AIRIM: variants seen among roughly 807,000 people sequenced by gnomAD.
The protein encoded by AIRIM is AFG2 interacting ribosome maturation factor.
At chr1:37,683,347 T>A in the AIRIM span, 1 of 1,614,150 alleles carries the variant, frequency 6.2e-7, no homozygotes, top group East Asian at 2.2e-5. Context: ...GTTCGTCTTT[T>A]GAAATTCGGT....
At chr1:37,683,128 C>T in the AIRIM span, 1 of 1,613,028 alleles carries the variant, frequency 6.2e-7, no homozygotes, top group African/African-American at 1.3e-5. Flanking sequence ...CTTCCTTACT[C>T]TTCCAGGAAG....
chr1:37,689,440 T>C, the AIRIM span: 1 of 762,832 alleles, frequency 1.3e-6, no homozygotes, highest in Non-Finnish European at 2.0e-6. Flanking sequence ...AGAAAATGGC[T>C]TTCTGACCGA....
chr1:37,688,838 C>T, the AIRIM span, among the ~76,000 whole-genome samples: 9 of 152,058 alleles, frequency 5.9e-5, no homozygotes, highest in East Asian at 5.8e-4. Context: ...TGGAAGTGCA[C>T]GCTTGTTGTC....
chr1:37,690,025 T>TTG, the AIRIM span: 3 of 1,417,128 alleles, frequency 2.1e-6, no homozygotes, highest in African/African-American at 1.4e-5. Flanking sequence ...GTTTTTTTTT[T>TTG]GTTTTTTTTT....
At chr1:37,690,024 T>TG in the AIRIM span, 1 of 1,422,868 alleles carries the variant, frequency 7.0e-7, no homozygotes, top group Non-Finnish European at 9.1e-7. Flanking sequence ...GGTTTTTTTT[T>TG]TGTTTTTTTT....
chr1:37,684,524 C>G, the AIRIM span, among the ~76,000 whole-genome samples: 1 of 152,148 alleles, frequency 6.6e-6, no homozygotes, highest in Non-Finnish European at 1.5e-5. Flanking sequence ...GAGGCTGAGG[C>G]AGGAGAATTG....
chr1:37,683,502 G>T, the AIRIM span: 1 of 1,562,592 alleles, frequency 6.4e-7, no homozygotes, highest in South Asian at 1.2e-5. Flanking sequence ...AAAACACCCT[G>T]GTGAGAACCA....
the AIRIM span, chr1:37,686,604 C>T: frequency 1.4e-6 from 1 of 718,258 alleles, no homozygotes; most frequent in Non-Finnish European, 2.3e-6. Flanking sequence ...CATGCCTGGC[C>T]CCTACCCACT....
the AIRIM span, chr1:37,686,250 C>T: frequency 1.3e-6 from 2 of 1,595,574 alleles, no homozygotes; most frequent in Admixed American, 1.7e-5. Flanking sequence ...CTGGCTGTGA[C>T]CTGAAATGTG....
the AIRIM span, among the ~76,000 whole-genome samples, chr1:37,684,939 A>T: frequency 2.6e-5 from 4 of 152,032 alleles, no homozygotes; most frequent in African/African-American, 9.7e-5. Flanking sequence ...AGGTAGGATC[A>T]TCAAGGCCAG....
the AIRIM span, chr1:37,689,407 T>C: frequency 1.7e-6 from 1 of 580,278 alleles, no homozygotes; most frequent in South Asian, 2.5e-5. Flanking sequence ...CTGCCATGCC[T>C]AGTCTCTGAC....
At chr1:37,683,982 A>G in the AIRIM span, 1 of 156,304 alleles carries the variant, frequency 6.4e-6, no homozygotes, top group Admixed American at 6.3e-5. Flanking sequence ...TAGCAACAGG[A>G]GCTATTCCTA....
chr1:37,687,438 T>C, the AIRIM span, among the ~76,000 whole-genome samples: 1 of 150,058 alleles, frequency 6.7e-6, no homozygotes, highest in Non-Finnish European at 1.5e-5. Context: ...AGCTAATATA[T>C]ATTTTTTTTT....
chr1:37,684,675 G>T, the AIRIM span, among the ~76,000 whole-genome samples: 2 of 152,186 alleles, frequency 1.3e-5, no homozygotes, highest in African/African-American at 4.8e-5. Flanking sequence ...CAAGGAAAAG[G>T]GGGCTGAATT....
At chr1:37,690,489 C>T in the AIRIM span, 199 of 1,222,676 alleles carry the variant, frequency 1.6e-4, no homozygotes, top group African/African-American at 2.9e-3. Flanking sequence ...CGTGAGAACC[C>T]TCCAGGGACT....
the AIRIM span, chr1:37,690,255 G>T: frequency 7.7e-7 from 1 of 1,291,450 alleles, no homozygotes; most frequent in Non-Finnish European, 1.0e-6. Context: ...AAAGTGCTGG[G>T]ATTACAGGCG....
At chr1:37,684,791 A>AT in the AIRIM span, among the ~76,000 whole-genome samples, 12 of 152,270 alleles carry the variant, frequency 7.9e-5, no homozygotes, top group African/African-American at 2.6e-4. Context: ...CAGAGACAAG[A>AT]AAAGTTGGGG....
chr1:37,685,192 T>TGGG, the AIRIM span, among the ~76,000 whole-genome samples: 174 of 44,628 alleles, frequency 3.9e-3, 1 homozygote, highest in East Asian at 0.025. Flanking sequence ...TGCTTTTTTT[T>TGGG]GGGGGGGGGG....
At chr1:37,690,448 C>T in the AIRIM span, 9 of 1,262,820 alleles carry the variant, frequency 7.1e-6, no homozygotes, top group South Asian at 7.7e-5. Flanking sequence ...CCTGAAAAAG[C>T]GGAAAAACTT....
Sources: gnomAD v4.1 joint callset for allele counts (sites outside exome capture counted in the v4.1 genomes callset) on GRCh38, gnomAD v4.1.1 for gene constraint, MANE v1.5 for transcripts, NCBI Gene and HGNC (gene_info 2026-07-23, HGNC 2026-07-21) for gene names.